NCOR2: variants seen among roughly 807,000 people sequenced by gnomAD.
The protein encoded by NCOR2 is CTG repeat protein 26.
NCOR2 carries 81 observed loss-of-function variants against 262.9 expected under a neutral mutation model. That is an observed-to-expected ratio of 0.31 (90% CI 0.26 to 0.37). The LOEUF (loss-of-function observed/expected upper bound fraction) is 0.37. NCOR2 is among the 10% of genes least tolerant of loss of function. NCOR2 has a pLI of 1.00. For synonymous variants in NCOR2, 1,659 were observed against 1,559.3 expected (o/e 1.06, Z -1.51); for missense variants, 3,385 against 3,621.4 (o/e 0.93, Z 1.68).
intron 5 of NCOR2, among the ~76,000 whole-genome samples, chr12:124,462,609 G>C (rs1030163203): frequency 6.6e-6 from 1 of 152,218 alleles, no homozygotes; most frequent in Non-Finnish European, 1.5e-5. Flanking sequence ...CCAGGTGGCC[G>C]GGCATGGAGG....
rs770276940 is a variant in NCOR2 at position 124,332,454 on chromosome 12, T to C, written c.6769A>G (p.Lys2257Glu). Residue 2257 changes from lysine to glutamate, a missense_variant, in exon 43 of 47, where the codon AAG becomes GAG. This residue lies in a region of NCOR2 where 1,017 missense variants were observed against 967.2 expected (regional missense o/e 1.05). Transcript: ENST00000405201. ...GGCTGGCTGGTGTTGCCTGGAGACT[T>C]GGAGCCCATCCTGCTGTGAGGATCA... The C allele has an allele frequency of 2.0e-5, 33 of 1,614,218 alleles. No individual in the cohort carries two copies. In the East Asian group the frequency reaches 5.1e-4, roughly 25 times the overall value.
chr12:124,531,341 G>A lies in NCOR2; in HGVS notation c.-118+4224C>T, dbSNP rs781577401. Among the ~76,000 whole-genome samples, 10 of 152,316 alleles carry A rather than the reference G, an allele frequency of 6.6e-5. 1 individual carries two copies. Among genetic ancestry groups the A allele is most frequent in the African/African-American group, 2.2e-4 (9 of 41,582 alleles). On this transcript the variant is annotated intron_variant, in intron 1 of 46. Coordinates refer to the NCOR2 transcript ENST00000404621. The surrounding 1 kb of genome is among the most constrained non-coding windows in gnomAD (Gnocchi z 4.5). ...CCCTCTGAGTGATGGCAGGGCAGGCGCCTGGAGCCAACGGCAGGAGGGGCA... is the reference window on the plus strand; with the variant it reads ...CCCTCTGAGTGATGGCAGGGCAGGCACCTGGAGCCAACGGCAGGAGGGGCA...
At chr12:124,529,172 T>C (rs1593993277) in intron 1 of NCOR2, among the ~76,000 whole-genome samples, 4 of 45,488 alleles carry the variant, frequency 8.8e-5, no homozygotes, top group Admixed American at 3.7e-4. Flanking sequence ...AGAGCGAAAC[T>C]CCGACTCAAA....
At chr12:124,419,407 C>T (rs934946749) in intron 13 of NCOR2, among the ~76,000 whole-genome samples, 9 of 152,152 alleles carry the variant, frequency 5.9e-5, no homozygotes, top group Non-Finnish European at 1.2e-4. Flanking sequence ...GATGGTGGGC[C>T]GGATTAGCCC....
intron 16 of NCOR2, among the ~76,000 whole-genome samples, chr12:124,390,481 C>CCG (rs2041220147): frequency 6.6e-6 from 1 of 151,662 alleles, no homozygotes; most frequent in South Asian, 2.1e-4. Context: ...CAAAGTGACC[C>CCG]CCCCCCGTCG....
intron 6 of NCOR2, among the ~76,000 whole-genome samples, chr12:124,450,982 G>A (rs1047371413): frequency 1.4e-4 from 22 of 152,232 alleles, no homozygotes; most frequent in African/African-American, 4.8e-4. Flanking sequence ...TCACATTGCC[G>A]CCATCAGGGA....
upstream of NCOR2, chr12:124,538,951 C>T (rs1171592974): frequency 2.6e-5 from 4 of 152,344 alleles, no homozygotes; most frequent in African/African-American, 9.7e-5. Context: ...CACCCAAGGC[C>T]ACGTGGCAAG....
chr12:124,336,929 G>C (rs1411621804), exon 38 of NCOR2: 2 of 1,576,330 alleles, frequency 1.3e-6, no homozygotes, highest in Non-Finnish European at 1.7e-6. Flanking sequence ...AGGCACTAGG[G>C]GCCGGGGCTC....
chr12:124,433,864 ACAC>A (rs2044142434), intron 8 of NCOR2, among the ~76,000 whole-genome samples: 1 of 63,294 alleles, frequency 1.6e-5, no homozygotes, highest in Admixed American at 1.7e-4. Context: ...ACACACACAC[ACAC>A]ACACACACAC....
At position 124,369,943 on chromosome 12, in the gene NCOR2, C is replaced by T. The variant is rs577278522; in HGVS notation, c.2807+2079G>A. Among the ~76,000 whole-genome samples the T allele has an allele frequency of 4.1e-4, 62 of 152,280 alleles. 1 individual carries two copies. The highest frequency in any genetic ancestry group is 2.5e-3 in the South Asian group (12 of 4,828). The stretch of plus-strand genomic sequence containing the variant: ...AAGCTGATCCCCCGGCTCCCCAGTC[C>T]GGGGCCAGCCACATGGACCCAAAAT... On this transcript the variant is annotated intron_variant, in intron 20 of 46. Transcript: ENST00000405201.
At chr12:124,385,131 G>A (rs1023400456) in intron 17 of NCOR2, among the ~76,000 whole-genome samples, 35 of 152,304 alleles carry the variant, frequency 2.3e-4, no homozygotes, top group Non-Finnish European at 4.3e-4. Context: ...AGCTGTGGAA[G>A]AAGCGGCTGC....
chr12:124,373,453 T>TCAC (rs1490420576), intron 19 of NCOR2, among the ~76,000 whole-genome samples: 3 of 90,230 alleles, frequency 3.3e-5, no homozygotes, highest in African/African-American at 1.2e-4. Flanking sequence ...CAGTGGGCAG[T>TCAC]GAGGCCAGTG....
intron 4 of NCOR2, among the ~76,000 whole-genome samples, chr12:124,468,317 C>T (rs2046612332): frequency 2.4e-5 from 1 of 41,198 alleles, no homozygotes; most frequent in Non-Finnish European, 6.2e-5. Context: ...TCATCATCCT[C>T]ATCACCCTCA....
chr12:124,429,851 G>C (rs2043816982), intron 9 of NCOR2, 145 bp from the exon 12 acceptor site: 3 of 761,946 alleles, frequency 3.9e-6, no homozygotes, highest in South Asian at 1.8e-5. Context: ...CCACACCCGG[G>C]GTCCTGGGGA....
At chr12:124,398,432 G>C (rs560553370) in intron 15 of NCOR2, among the ~76,000 whole-genome samples, 18 of 152,326 alleles carry the variant, frequency 1.2e-4, no homozygotes, top group African/African-American at 4.3e-4. Flanking sequence ...CGTTGGTCGG[G>C]GCCAACCTCC....
chr12:124,363,831 C>T, intron 20 of NCOR2, 32 bp from the exon 23 acceptor site: 1 of 1,324,226 alleles, frequency 7.6e-7, no homozygotes, highest in Non-Finnish European at 9.7e-7. Flanking sequence ...CAGCTGGGGG[C>T]CCACAGCCGG....
chr12:124,514,682 A>G (rs1769886349), intron 1 of NCOR2: 1 of 152,030 alleles, frequency 6.6e-6, no homozygotes, highest in Non-Finnish European at 1.5e-5. Flanking sequence ...CCCTGTCTCC[A>G]CTCAAAATAC....
rs542623093 is a variant in NCOR2, at chr12:124,484,743, C to T, written c.234-970G>A. Among the ~76,000 whole-genome samples, 28 of 152,336 alleles carry T rather than the reference C, an allele frequency of 1.8e-4. 1 individual carries two copies. The South Asian group carries it at 4.4e-3, about 24-fold the overall frequency. On this transcript the variant is annotated intron_variant, in intron 2 of 46. Transcript: ENST00000405201. The stretch of plus-strand genomic sequence containing the variant: ...GTCCCAGGCCAGACCACACTACACC[C>T]GCCTGTCTGCTCTCTCTCCACTGCC...
chr12:124,409,838 C>T (rs549524821), intron 13 of NCOR2, among the ~76,000 whole-genome samples: 11 of 152,106 alleles, frequency 7.2e-5, no homozygotes, highest in Admixed American at 2.0e-4. Context: ...CCACCTCACC[C>T]GGCTAATTTT....
Sources: gnomAD v4.1 joint callset for allele counts (sites outside exome capture counted in the v4.1 genomes callset) on GRCh38, gnomAD v4.1.1 for gene constraint, gnomAD v4.1.1 regional missense constraint, Gnocchi (gnomAD v3.1) non-coding constraint, MANE v1.5 for transcripts, NCBI Gene and HGNC (gene_info 2026-07-23, HGNC 2026-07-21) for gene names.